The following CNTN4 variants were observed in gnomAD, a reference collection of about 807,000 sequenced individuals.
CNTN4 encodes contactin 4, also known as contactin-4.
CNTN4 carries 77 observed loss-of-function variants against 122.5 expected under a neutral mutation model. The observed-to-expected ratio is 0.63, with a 90% CI of 0.52 to 0.76. CNTN4 has a LOEUF of 0.76. Ranked by LOEUF, CNTN4 falls within the 30% of genes least tolerant of loss-of-function variation. The probability of loss-of-function intolerance (pLI) is 0.00; values close to 1 mark genes in which losing one functional copy is unlikely to be tolerated. For synonymous variants in CNTN4, 512 were observed against 447.0 expected (o/e 1.15, Z -1.83); for missense variants, 1,256 against 1,259.1 (o/e 1.00, Z 0.04).
intron 2 of CNTN4, among the ~76,000 whole-genome samples, chr3:2,173,923 T>A (rs1484985135): frequency 6.6e-6 from 1 of 152,168 alleles, no homozygotes; most frequent in Non-Finnish European, 1.5e-5. Context: ...AGGGTAGCTG[T>A]TGTTGCTATT....
At chr3:2,564,869 C>T (rs370095265) in intron 3 of CNTN4, among the ~76,000 whole-genome samples, 12 of 151,962 alleles carry the variant, frequency 7.9e-5, no homozygotes, top group Admixed American at 2.6e-4. Flanking sequence ...CAAATTAATC[C>T]GTATAACTGT....
In CNTN4 at chr3:2,231,311, A is replaced by C. The variant is rs369691040; in HGVS notation, c.-144-107867A>C. 1.7e-4 allele frequency among the ~76,000 whole-genome samples: 26 copies of C among 152,308 alleles called. No homozygotes were observed. The East Asian group carries it at 2.3e-3, about 14-fold the overall frequency. The stretch of plus-strand genomic sequence containing the variant: ...TGAATAGCATGATAGTACAGTTGCC[A>C]TGCTTAGGCATGGAGATGCTCAGAG... On this transcript the variant is annotated intron_variant, in intron 2 of 24. Coordinates refer to ENST00000418658, the MANE Select transcript of CNTN4 (RefSeq NM_175607.3).
At chr3:2,565,426 G>GA (rs1317361347) in intron 3 of CNTN4, among the ~76,000 whole-genome samples, 6 of 152,256 alleles carry the variant, frequency 3.9e-5, no homozygotes, top group African/African-American at 1.4e-4. Context: ...GGTTAAAGGA[G>GA]AAAATCCAGC....
intron 4 of CNTN4, among the ~76,000 whole-genome samples, chr3:2,640,488 G>A (rs2082852086): frequency 6.6e-6 from 1 of 152,128 alleles, no homozygotes; most frequent in Non-Finnish European, 1.5e-5. Flanking sequence ...GATAAACAAG[G>A]GGGGAAATGT....
chr3:2,581,660 C>T (rs1372680571), intron 4 of CNTN4, among the ~76,000 whole-genome samples: 2 of 152,082 alleles, frequency 1.3e-5, no homozygotes. Flanking sequence ...TCCAGAGAAC[C>T]TGCAAATTGC....
Position 2,934,137 on chromosome 3 carries a change from A to T in CNTN4, c.1358+8358A>T, listed in dbSNP as rs527835921. On this transcript the variant is annotated intron_variant, in intron 13 of 24. Transcript: ENST00000418658. ...GGAACCTTAACGTTACCTTGGGCAG[A>T]GTACTTTTAGGCCACTGTGGACCAG... Among the ~76,000 whole-genome samples, 12 of 152,328 alleles carry T rather than the reference A, an allele frequency of 7.9e-5. No individual in the cohort carries two copies. In the East Asian group the frequency reaches 1.5e-3, roughly 20 times the overall value.
chr3:2,622,181 C>G (rs1007542808), intron 4 of CNTN4, among the ~76,000 whole-genome samples: 1 of 152,148 alleles, frequency 6.6e-6, no homozygotes, highest in Non-Finnish European at 1.5e-5. Context: ...CCTGTACTCA[C>G]TATGGCAGTA....
At chr3:2,506,809 G>A (rs1052889959) in intron 3 of CNTN4, among the ~76,000 whole-genome samples, 3 of 152,118 alleles carry the variant, frequency 2.0e-5, no homozygotes, top group African/African-American at 7.2e-5. Context: ...GTGGGAGACG[G>A]GAGAGGGAGT....
intron 3 of CNTN4, among the ~76,000 whole-genome samples, chr3:2,446,414 T>G (rs2048627449): frequency 6.6e-6 from 1 of 152,304 alleles, no homozygotes; most frequent in Non-Finnish European, 1.5e-5. Context: ...TTTTCTCTTC[T>G]ATAGCCTCCA....
chr3:2,197,075 A>T lies in CNTN4; in HGVS notation c.-145+96436A>T, dbSNP rs941980239. 1.6e-4 allele frequency among the ~76,000 whole-genome samples: 25 copies of T among 151,578 alleles called. No homozygotes were observed. The South Asian group carries it at 1.7e-3, about 10-fold the overall frequency. The stretch of plus-strand genomic sequence containing the variant: ...GAAAAAAAAAAAAAAAAAAAAGAAG[A>T]AGAAGAAATGCCTGGACTCAGAACT... On this transcript the variant is annotated intron_variant, in intron 2 of 24. Transcript: ENST00000418658.
In CNTN4 at chr3:3,031,010, T is replaced by C. The variant is rs767815161; in HGVS notation, c.1783+35T>C. The C allele has an allele frequency of 5.6e-6, 9 of 1,613,218 alleles. No individual in the cohort carries two copies. In the Admixed American group the frequency reaches 1.5e-4, roughly 27 times the overall value. ...TTTGTTGTTATTGTTGTTCTTGAAA[T>C]ATTTTCATGATATCTACTGTAGCGC... is the stretch of plus-strand genomic sequence containing the variant. On this transcript the variant is annotated intron_variant, in intron 16 of 24. Transcript: ENST00000418658.
At chr3:2,855,874 G>A (rs898349656) in intron 7 of CNTN4, among the ~76,000 whole-genome samples, 21 of 152,168 alleles carry the variant, frequency 1.4e-4, no homozygotes, top group Non-Finnish European at 2.9e-4. Flanking sequence ...GGAAAGGGAA[G>A]GATTTTTAAC....
rs2041982358 is a variant in CNTN4, at chr3:2,287,718, GAAGAAGAAGAAGAAGAAGAAGAA to G, written c.-144-51459_-144-51437del. The stretch of plus-strand genomic sequence containing the variant: ...GGAAGAAGAAGAAGAAGAGGAAGAA[GAAGAAGAAGAAGAAGAAGAAGAA>G]GAAGAAGAAGAAGAAGAAGAAGAAG... On this transcript the variant is annotated intron_variant, in intron 2 of 24. Transcript: ENST00000418658. 9.0e-3 allele frequency among the ~76,000 whole-genome samples: 675 copies of G among 74,904 alleles called. 5 individuals are homozygous for G. The highest frequency in any genetic ancestry group is 0.016 in the African/African-American group (315 of 20,224). The allele number at this position is 74,904 out of a possible 152,430, so 49.1% of individuals were successfully genotyped here. A position where few individuals can be genotyped will look rare whatever the true frequency, so the allele number is the denominator to read the frequency against.
intron 14 of CNTN4, among the ~76,000 whole-genome samples, chr3:2,995,311 A>G (rs1413202063): frequency 6.6e-6 from 1 of 152,238 alleles, no homozygotes; most frequent in Non-Finnish European, 1.5e-5. Context: ...TGACATTCTT[A>G]TGGACATGTG....
At chr3:2,169,198 A>C (rs946194944) in intron 2 of CNTN4, among the ~76,000 whole-genome samples, 3 of 152,150 alleles carry the variant, frequency 2.0e-5, no homozygotes, top group Non-Finnish European at 4.4e-5. Context: ...CGCAGGCATC[A>C]TCAAGTTAAA....
chr3:2,723,270 A>G (rs1256976729), intron 4 of CNTN4, among the ~76,000 whole-genome samples: 1 of 152,070 alleles, frequency 6.6e-6, no homozygotes, highest in Non-Finnish European at 1.5e-5. Context: ...ATCTTTGCAA[A>G]CCTTTGTTTA....
chr3:2,621,463 C>T (rs1489598014), intron 4 of CNTN4, among the ~76,000 whole-genome samples: 1 of 151,468 alleles, frequency 6.6e-6, no homozygotes, highest in Non-Finnish European at 1.5e-5. Context: ...TCACAGGTCA[C>T]AGTAAGGGGA....
chr3:3,055,365 C>T (rs563882980), intron 24 of CNTN4, among the ~76,000 whole-genome samples: 1 of 152,106 alleles, frequency 6.6e-6, no homozygotes, highest in Non-Finnish European at 1.5e-5. Context: ...TTATTCATTA[C>T]AAAAACATAT....
intron 2 of CNTN4, among the ~76,000 whole-genome samples, chr3:2,101,155 G>T (rs1034982362): frequency 8.5e-5 from 13 of 152,118 alleles, no homozygotes; most frequent in African/African-American, 2.9e-4. Context: ...AATGATGTTG[G>T]ATTTTTTATC....
Sources: allele counts gnomAD v4.1 joint callset (sites outside exome capture counted in the v4.1 genomes callset), GRCh38; gene constraint gnomAD v4.1.1; transcripts MANE v1.5; gene names NCBI Gene and HGNC (gene_info 2026-07-23, HGNC 2026-07-21).